The following SMC6 variants were observed in gnomAD, a reference collection of about 807,000 sequenced individuals.
SMC6 encodes the protein structural maintenance of chromosomes protein 6.
Under a neutral mutation model 142.2 loss-of-function variants are expected in SMC6, and 79 were observed. That is an observed-to-expected ratio of 0.56 (90% CI 0.46 to 0.67). The LOEUF (loss-of-function observed/expected upper bound fraction) is 0.67, where lower values mean the gene tolerates loss of function less well. Ranked by LOEUF, SMC6 falls within the 30% of genes least tolerant of loss-of-function variation. SMC6 has a pLI of 0.00. For synonymous variants in SMC6, 411 were observed against 412.4 expected (o/e 1.00, Z 0.04); for missense variants, 1,072 against 1,284.0 (o/e 0.83, Z 2.52).
At chr2:17,688,457 T>C (rs966310514) in intron 23 of SMC6, among the ~76,000 whole-genome samples, 6 of 152,028 alleles carry the variant, frequency 3.9e-5, no homozygotes, top group South Asian at 2.1e-4. Context: ...CCCAGCACTT[T>C]GGGAGGCTGA....
At chr2:17,696,655 T>C (rs1668001842) in intron 21 of SMC6, among the ~76,000 whole-genome samples, 1 of 152,192 alleles carries the variant, frequency 6.6e-6, no homozygotes, top group South Asian at 2.1e-4. Context: ...TTCAGTTTTA[T>C]TCTAATAAAC....
chr2:17,672,252 T>C (rs1187771304), intron 25 of SMC6, among the ~76,000 whole-genome samples: 1 of 152,142 alleles, frequency 6.6e-6, no homozygotes, highest in Non-Finnish European at 1.5e-5. Flanking sequence ...TACTAACATA[T>C]CATGGAACTT....
At chr2:17,688,325 A>AC (rs1667551615) in intron 23 of SMC6, among the ~76,000 whole-genome samples, 2 of 151,886 alleles carry the variant, frequency 1.3e-5, no homozygotes, top group African/African-American at 2.4e-5. Context: ...TAAAAAAAAA[A>AC]AAAAAACAAG....
chr2:17,738,350 A>G (rs577063503), intron 4 of SMC6, 24 bp from the exon 5 acceptor site: 1 of 1,547,620 alleles, frequency 6.5e-7, no homozygotes, highest in East Asian at 2.3e-5. Flanking sequence ...TGTTGAAGAA[A>G]TCACATTCAT....
At chr2:17,751,460 T>C (rs1293756257) in intron 2 of SMC6, among the ~76,000 whole-genome samples, 4 of 136,350 alleles carry the variant, frequency 2.9e-5, no homozygotes, top group Non-Finnish European at 6.2e-5. Context: ...TAAAACTCTG[T>C]CTCAAACAAA....
At chr2:17,743,849 C>A (rs1670600525) in intron 3 of SMC6, among the ~76,000 whole-genome samples, 2 of 152,148 alleles carry the variant, frequency 1.3e-5, no homozygotes, top group Non-Finnish European at 2.9e-5. Flanking sequence ...CAGCATGTAG[C>A]CTTTTCTGAC....
chr2:17,719,786 TAA>T (rs141957778), intron 11 of SMC6, among the ~76,000 whole-genome samples: 71 of 152,302 alleles, frequency 4.7e-4, no homozygotes, highest in African/African-American at 1.6e-3. Flanking sequence ...CAGAAATCGC[TAA>T]GTGTCCTATC....
chr2:17,666,879 G>A (rs1338697452), intron 26 of SMC6, among the ~76,000 whole-genome samples: 2 of 152,100 alleles, frequency 1.3e-5, no homozygotes, highest in African/African-American at 4.8e-5. Context: ...CTACTCGGGA[G>A]GCCGAGGCAG....
rs769460875 is a variant in SMC6 at position 17,707,296 on chromosome 2, T to C, written c.1929A>G (p.Gln643=). The part of the protein sequence containing the change: ...CREAFTADGD[Q]VFAGRYYSSE... ...ATGAATAATAACGTCCTGCAAAAAC[T>C]TGATCACCATCAGCAGTAAAAGCTT... is the stretch of plus-strand genomic sequence containing the variant. Residue 643 remains glutamine (Q), a synonymous_variant, in exon 18 of 28, where the codon CAA becomes CAG. Transcript: ENST00000448223. The C allele has an allele frequency of 6.9e-6, 11 of 1,604,220 alleles. No homozygotes were observed. Among genetic ancestry groups the C allele is most frequent in the African/African-American group, 2.7e-5 (2 of 74,558 alleles).
At chr2:17,743,844 T>C (rs1215007675) in intron 3 of SMC6, among the ~76,000 whole-genome samples, 1 of 152,202 alleles carries the variant, frequency 6.6e-6, no homozygotes, top group Non-Finnish European at 1.5e-5. Flanking sequence ...TCATACAGCA[T>C]GTAGCCTTTT....
chr2:17,687,433 G>C (rs886391716), intron 23 of SMC6, among the ~76,000 whole-genome samples: 7 of 152,106 alleles, frequency 4.6e-5, no homozygotes, highest in African/African-American at 1.4e-4. Context: ...GCTGTAAAAA[G>C]AATGAGGAAG....
chr2:17,709,334 A>G (rs1218014431), intron 16 of SMC6, among the ~76,000 whole-genome samples: 2 of 152,190 alleles, frequency 1.3e-5, no homozygotes, highest in African/African-American at 4.8e-5. Flanking sequence ...TTTATTACCA[A>G]CACAGAGGAA....
At chr2:17,720,328 G>C (rs1669309263) in intron 11 of SMC6, among the ~76,000 whole-genome samples, 1 of 152,178 alleles carries the variant, frequency 6.6e-6, no homozygotes, top group South Asian at 2.1e-4. Context: ...GGCCCGTGTG[G>C]AAGACTTTTA....
chr2:17,719,566 C>T (rs1402265279), intron 11 of SMC6, among the ~76,000 whole-genome samples: 6 of 152,156 alleles, frequency 3.9e-5, no homozygotes, highest in Non-Finnish European at 7.3e-5. Flanking sequence ...GCATCTATTA[C>T]GCAGACTGGA....
Position 17,738,214 on chromosome 2 carries a change from C to T in SMC6, c.344+7G>A. 1 of 1,589,750 alleles carries T rather than the reference C, an allele frequency of 6.3e-7. No homozygotes were observed. The highest frequency in any genetic ancestry group is 8.6e-7 in the Non-Finnish European group (1 of 1,160,716). ...TTGAAAATAGATGGTAGAAAGCAAACACTTACTTCTGTCCATCTTTCACAA... is the reference window on the plus strand; with the variant it reads ...TTGAAAATAGATGGTAGAAAGCAAATACTTACTTCTGTCCATCTTTCACAA... On this transcript the variant is annotated splice_region_variant and intron_variant, in intron 5 of 27. Transcript: ENST00000448223.
chr2:17,709,532 T>A (rs1668717311), intron 16 of SMC6, among the ~76,000 whole-genome samples: 1 of 152,172 alleles, frequency 6.6e-6, no homozygotes, highest in African/African-American at 2.4e-5. Flanking sequence ...GCTTTCCTAG[T>A]CCTAGAATTC....
chr2:17,700,333 C>T lies in SMC6; in HGVS notation c.2269G>A (p.Glu757Lys). Residue 757 changes from glutamate (E) to lysine (K), a missense_variant, in exon 21 of 28, where the codon GAA (glutamate) becomes AAA (lysine). Transcript: ENST00000448223. The stretch of plus-strand genomic sequence containing the variant: ...TTTTCTTTTTGTTGCTCCATATGTT[C>T]CTCAACCATTTTCATTTTGCTTTTA... ...ENKSKMKMVE[E>K]HMEQQKENME... 6.2e-7 allele frequency: 1 copy of T among 1,608,264 alleles called. No homozygotes were observed. Among genetic ancestry groups the T allele is most frequent in the Non-Finnish European group, 8.5e-7 (1 of 1,177,954 alleles).
At chr2:17,714,167 A>G (rs1044491336) in intron 16 of SMC6, among the ~76,000 whole-genome samples, 18 of 148,748 alleles carry the variant, frequency 1.2e-4, no homozygotes, top group African/African-American at 4.5e-4. Flanking sequence ...GGCTCGCTGT[A>G]TCACTACAAC....
At chr2:17,723,760 C>G (rs1365237394) in intron 9 of SMC6, among the ~76,000 whole-genome samples, 1 of 152,174 alleles carries the variant, frequency 6.6e-6, no homozygotes, top group Non-Finnish European at 1.5e-5. Context: ...TTATCTGTCA[C>G]TATATGACCA....
Sources: allele counts gnomAD v4.1 joint callset (sites outside exome capture counted in the v4.1 genomes callset), GRCh38; gene constraint gnomAD v4.1.1; transcripts MANE v1.5; gene names NCBI Gene and HGNC (gene_info 2026-07-23, HGNC 2026-07-21).